Variants in MBP observed in about 807,000 individuals in gnomAD.
The protein encoded by MBP is Golli-MBP.
In MBP, 16 loss-of-function variants were observed where a neutral mutation model predicts 35.8. The ratio of observed to expected loss-of-function variants is 0.45; its 90% CI spans 0.30 to 0.68. The LOEUF is 0.68. MBP is among the 30% of genes least tolerant of loss of function. The pLI, the probability that MBP is intolerant of heterozygous loss-of-function variation, is 0.08. For missense variants in MBP, 380 were observed against 404.7 expected (o/e 0.94, Z 0.52); for synonymous variants, 143 against 159.6 (o/e 0.90, Z 0.78).
intron 2 of MBP, among the ~76,000 whole-genome samples, chr18:77,083,035 C>A (rs1975034624): frequency 6.6e-6 from 1 of 151,634 alleles, no homozygotes; most frequent in Non-Finnish European, 1.5e-5. Context: ...AGTGAAGTGG[C>A]ACAATCTTAG....
chr18:77,126,567 A>G (rs1215384988), intron 1 of MBP, among the ~76,000 whole-genome samples: 2 of 152,226 alleles, frequency 1.3e-5, no homozygotes, highest in Non-Finnish European at 2.9e-5. Flanking sequence ...AATAAAAAGT[A>G]TATAAATTGG....
At chr18:77,114,648 A>G (rs2145183237) in intron 1 of MBP, 1 of 152,422 alleles carries the variant, frequency 6.6e-6, no homozygotes, top group East Asian at 1.9e-4. Flanking sequence ...CAACACCGTC[A>G]CGCTGGGACT....
chr18:77,048,765 A>G (rs1244902293), intron 3 of MBP, among the ~76,000 whole-genome samples: 3 of 152,092 alleles, frequency 2.0e-5, no homozygotes, highest in African/African-American at 7.2e-5. Context: ...TGCCCAGCCA[A>G]TCTCTGTAGG....
intron 2 of MBP, among the ~76,000 whole-genome samples, chr18:77,099,818 G>C (rs1975926468): frequency 6.6e-6 from 1 of 152,248 alleles, no homozygotes; most frequent in Non-Finnish European, 1.5e-5. Flanking sequence ...CCTGTGGCAG[G>C]AGGCAGGAAG....
intron 3 of MBP, among the ~76,000 whole-genome samples, chr18:77,026,948 G>A (rs896376926): frequency 6.6e-6 from 1 of 152,192 alleles, no homozygotes; most frequent in African/African-American, 2.4e-5. Flanking sequence ...AGAAGGCAAT[G>A]AAAATTACCA....
chr18:77,089,562 A>G (rs553907313), intron 2 of MBP, among the ~76,000 whole-genome samples: 39 of 152,224 alleles, frequency 2.6e-4, no homozygotes, highest in Non-Finnish European at 7.3e-5. Flanking sequence ...GCAGGGGAAC[A>G]TGACCCTGCC....
chr18:77,054,676 A>G lies in MBP; in HGVS notation c.139+11622T>C, dbSNP rs570660321. ...CAGTGCTCTCAGCAAAGACATAGAA[A>G]TAGTGCTCCTCATTTTGTACCTGGA... is the stretch of plus-strand genomic sequence containing the variant. On this transcript the variant is annotated intron_variant, in intron 3 of 8. Coordinates refer to ENST00000355994, the MANE Select transcript of MBP (RefSeq NM_001025101.2). Among the ~76,000 whole-genome samples the G allele has an allele frequency of 3.1e-4, 47 of 152,290 alleles. 1 individual carries two copies. In the South Asian group the frequency reaches 9.5e-3, roughly 31 times the overall value.
chr18:76,985,709 G>A (rs1016211410), intron 7 of MBP: 7 of 1,013,816 alleles, frequency 6.9e-6, no homozygotes, highest in South Asian at 4.0e-5. Flanking sequence ...TAGCTCATCC[G>A]GCTGTGTGGC....
intron 2 of MBP, among the ~76,000 whole-genome samples, chr18:77,068,239 A>G (rs1031864980): frequency 3.9e-5 from 6 of 152,214 alleles, no homozygotes; most frequent in Non-Finnish European, 4.4e-5. Flanking sequence ...AATTAAATTG[A>G]TAAGAGGACA....
chr18:77,114,746 C>T (rs79830819), intron 1 of MBP: 13,198 of 152,356 alleles, frequency 0.087, 659 homozygotes, highest in South Asian at 0.14. Flanking sequence ...CTGGTAGCTT[C>T]GCAGTCATGT....
At chr18:77,080,896 T>G (rs1974869439) in intron 2 of MBP, among the ~76,000 whole-genome samples, 1 of 152,150 alleles carries the variant, frequency 6.6e-6, no homozygotes, top group Non-Finnish European at 1.5e-5. Flanking sequence ...TTGGCCAGGC[T>G]GGTCTCGAAC....
chr18:77,128,521 C>CCACACACACACACA (rs56770189), intron 1 of MBP, among the ~76,000 whole-genome samples: 119 of 147,730 alleles, frequency 8.1e-4, no homozygotes, highest in African/African-American at 2.5e-3. Flanking sequence ...CACGTGCATA[C>CCACACACACACACA]CACACACACA....
intron 3 of MBP, among the ~76,000 whole-genome samples, chr18:77,038,773 C>T (rs551259104): frequency 2.0e-5 from 3 of 152,312 alleles, no homozygotes; most frequent in Non-Finnish European, 4.4e-5. Context: ...AAGAATTACT[C>T]ATCAATTAAT....
chr18:77,025,570 G>A (rs553733113), intron 3 of MBP, among the ~76,000 whole-genome samples: 3 of 152,198 alleles, frequency 2.0e-5, no homozygotes, highest in South Asian at 2.1e-4. Context: ...ACCGTGCAAC[G>A]GCTCCAGGCT....
chr18:77,025,466 G>C (rs1484823845), intron 3 of MBP, among the ~76,000 whole-genome samples: 1 of 151,892 alleles, frequency 6.6e-6, no homozygotes, highest in Non-Finnish European at 1.5e-5. Context: ...GTTAATGACT[G>C]TTAAACATGA....
intron 7 of MBP, chr18:76,987,063 AC>A (rs1969600549): frequency 2.0e-6 from 2 of 985,316 alleles, no homozygotes; most frequent in Non-Finnish European, 2.4e-6. Flanking sequence ...CATTAGTAGG[AC>A]CCAAAAGGGA....
intron 4 of MBP, chr18:77,016,454 G>A (rs767219193): frequency 9.4e-7 from 1 of 1,064,440 alleles, no homozygotes; most frequent in Non-Finnish European, 1.1e-6. Context: ...GAACCCCAGC[G>A]TGTGGGCTGC....
At chr18:77,041,243 A>G (rs1972977790) in intron 3 of MBP, among the ~76,000 whole-genome samples, 1 of 152,234 alleles carries the variant, frequency 6.6e-6, no homozygotes, top group South Asian at 2.1e-4. Flanking sequence ...ATCTCACACC[A>G]GTTAGAATGG....
At chr18:77,073,556 C>A (rs1457942244) in intron 2 of MBP, among the ~76,000 whole-genome samples, 2 of 152,228 alleles carry the variant, frequency 1.3e-5, no homozygotes, top group Non-Finnish European at 2.9e-5. Context: ...AACCTGAATC[C>A]TTTAGAACTG....
Sources: allele counts gnomAD v4.1 joint callset (sites outside exome capture counted in the v4.1 genomes callset), GRCh38; gene constraint gnomAD v4.1.1; transcripts MANE v1.5; gene names NCBI Gene and HGNC (gene_info 2026-07-23, HGNC 2026-07-21).